RAB40C: variants seen among roughly 807,000 people sequenced by gnomAD.
RAB40C encodes the protein RAB40C, member RAS oncogene family.
Under a neutral mutation model 28.1 loss-of-function variants are expected in RAB40C, and 8 were observed. The observed-to-expected ratio is 0.28, with a 90% CI of 0.17 to 0.51. The LOEUF (loss-of-function observed/expected upper bound fraction) is 0.51, where lower values mean the gene tolerates loss of function less well. Among genes scored for constraint, RAB40C ranks in the 20% least tolerant of loss-of-function variants. The pLI is 0.97. For synonymous variants in RAB40C, 201 were observed against 171.7 expected (o/e 1.17, Z -1.34); for missense variants, 288 against 405.9 (o/e 0.71, Z 2.50).
intron 3 of RAB40C, among the ~76,000 whole-genome samples, chr16:619,433 T>C (rs2151077340): frequency 6.6e-6 from 1 of 152,306 alleles, no homozygotes; most frequent in South Asian, 2.1e-4. Flanking sequence ...CGTTTCTGTC[T>C]CCTCTGGGCC....
intron 1 of RAB40C, among the ~76,000 whole-genome samples, chr16:609,486 C>T (rs183495468): frequency 4.0e-4 from 61 of 152,150 alleles, no homozygotes; most frequent in African/African-American, 1.4e-3. Flanking sequence ...GAGACGCCGC[C>T]GAGAGCCCCA....
In RAB40C at chr16:627,976, C is replaced by A. The variant is rs1015957735; in HGVS notation, c.*354C>A. On this transcript the variant is annotated 3_prime_UTR_variant, in exon 6 of 6. Transcript: ENST00000248139. ...ATTTTTAAGGGGCCTTCAGGGAAGCCTGGGTGTGGCCCGGTGGTGGTGCAC... is the reference window on the plus strand; with the variant it reads ...ATTTTTAAGGGGCCTTCAGGGAAGCATGGGTGTGGCCCGGTGGTGGTGCAC... The A allele has an allele frequency of 3.9e-5, 9 of 230,672 alleles. No homozygotes were observed. Among genetic ancestry groups the A allele is most frequent in the Non-Finnish European group, 7.5e-5 (9 of 119,246 alleles). The allele number at this position is 230,672 out of a possible 1,614,324, so 14.3% of individuals were successfully genotyped here.
chr16:622,568 C>T (rs577274355), intron 3 of RAB40C, among the ~76,000 whole-genome samples: 4 of 152,200 alleles, frequency 2.6e-5, no homozygotes, highest in Middle Eastern at 6.3e-3. Flanking sequence ...AGTGCCGTGG[C>T]GCGATCTCGG....
chr16:611,513 G>A (rs1228871523), intron 1 of RAB40C, among the ~76,000 whole-genome samples: 2 of 152,232 alleles, frequency 1.3e-5, no homozygotes, highest in Non-Finnish European at 2.9e-5. Context: ...CAGAACCACC[G>A]GAGGAGGGAG....
At chr16:605,659 C>G (rs2036346250) in intron 1 of RAB40C, among the ~76,000 whole-genome samples, 1 of 152,224 alleles carries the variant, frequency 6.6e-6, no homozygotes, top group African/African-American at 2.4e-5. Context: ...GCCGAGTGGT[C>G]TCCCGTGTGT....
intron 1 of RAB40C, chr16:616,664 G>C (rs1468969570): frequency 6.5e-6 from 1 of 152,954 alleles, no homozygotes; most frequent in Non-Finnish European, 1.5e-5. Context: ...AACTTGTTTG[G>C]CCCTCCCTAA....
chr16:624,647 G>A (rs2036788799), intron 3 of RAB40C: 8 of 985,476 alleles, frequency 8.1e-6, no homozygotes, highest in Non-Finnish European at 9.6e-6. Context: ...ATTACGTGAA[G>A]GTTTTGTCAG....
At chr16:624,912 C>T in intron 3 of RAB40C, 2 of 1,282,394 alleles carry the variant, frequency 1.6e-6, no homozygotes, top group Non-Finnish European at 2.0e-6. Context: ...AGGGATGTGG[C>T]AAAAAGTCCC....
At chr16:590,570 G>A in intron 1 of RAB40C, 137 bp downstream of exon 1, 1 of 1,168,512 alleles carries the variant, frequency 8.6e-7, no homozygotes, top group Non-Finnish European at 1.1e-6. Flanking sequence ...TTCCAGACTC[G>A]GTAGCTCGGT....
chr16:627,462 A>G lies in RAB40C; in HGVS notation c.686A>G (p.Asn229Ser). The G allele has an allele frequency of 6.2e-7, 1 of 1,614,018 alleles. No individual in the cohort carries two copies. Among genetic ancestry groups the G allele is most frequent in the Non-Finnish European group, 8.5e-7 (1 of 1,180,010 alleles). ...KSHLKSFSMA[N>S]GMNAVMMHGR... Reference sequence around the variant, plus strand: ...CACCTCAAGTCCTTCTCGATGGCCAACGGCATGAACGCGGTCATGATGCAC... The same window carrying G: ...CACCTCAAGTCCTTCTCGATGGCCAGCGGCATGAACGCGGTCATGATGCAC... Residue 229 changes from asparagine (N) to serine (S), a missense_variant, in exon 6 of 6, where the codon AAC becomes AGC. Transcript: ENST00000248139.
At chr16:597,699 G>C (rs2036157863) in intron 1 of RAB40C, among the ~76,000 whole-genome samples, 1 of 151,736 alleles carries the variant, frequency 6.6e-6, no homozygotes, top group South Asian at 2.1e-4. Flanking sequence ...GTGTTGGCCA[G>C]GCTGGTCTTG....
At chr16:616,417 C>T (rs2036586471) in intron 1 of RAB40C, among the ~76,000 whole-genome samples, 2 of 151,744 alleles carry the variant, frequency 1.3e-5, no homozygotes, top group Non-Finnish European at 2.9e-5. Context: ...CGGCTCACTG[C>T]AACCTCCACC....
At chr16:626,930 C>T (rs1162175735) in intron 5 of RAB40C, among the ~76,000 whole-genome samples, 4 of 152,116 alleles carry the variant, frequency 2.6e-5, no homozygotes, top group Non-Finnish European at 2.9e-5. Flanking sequence ...GAGCGAGACC[C>T]GTCTCAAAAA....
chr16:592,287 C>T (rs2036017187), intron 1 of RAB40C, among the ~76,000 whole-genome samples: 1 of 152,182 alleles, frequency 6.6e-6, no homozygotes, highest in Non-Finnish European at 1.5e-5. Context: ...GCAGCATCCC[C>T]CACTCTCTCA....
In RAB40C at chr16:627,919, AT is replaced by A; in HGVS notation, c.*300del. 2.4e-6 allele frequency: 1 copy of A among 409,878 alleles called. No individual in the cohort carries two copies. Among genetic ancestry groups the A allele is most frequent in the Non-Finnish European group, 4.3e-6 (1 of 231,248 alleles). 25.4% of individuals were successfully genotyped at this position (409,878 alleles called of 1,614,324 possible). ...GCGGGGAGCCTGGTTGGCCTTTCTT[AT>A]TTATATAGAGAACACTTCACTTTTT... On this transcript the variant is annotated 3_prime_UTR_variant, in exon 6 of 6. Transcript: ENST00000248139.
intron 3 of RAB40C, chr16:625,044 C>T: frequency 7.7e-7 from 1 of 1,293,898 alleles, no homozygotes; most frequent in Non-Finnish European, 1.0e-6. Flanking sequence ...CAGCTCTGTC[C>T]CAGGTACTCC....
chr16:624,829 A>G (rs2036793823), intron 3 of RAB40C: 2 of 985,452 alleles, frequency 2.0e-6, no homozygotes, highest in Non-Finnish European at 2.4e-6. Context: ...CTGGAGAGCC[A>G]TGACTGTCAC....
At chr16:601,230 C>A (rs1454098538) in intron 1 of RAB40C, among the ~76,000 whole-genome samples, 1 of 152,164 alleles carries the variant, frequency 6.6e-6, no homozygotes, top group Non-Finnish European at 1.5e-5. Flanking sequence ...TGTGTGTTAT[C>A]CACACCATCA....
intron 1 of RAB40C, chr16:596,578 C>T (rs956232430): frequency 3.1e-6 from 1 of 323,366 alleles, no homozygotes; most frequent in Non-Finnish European, 6.1e-6. Flanking sequence ...GAGAACGCTG[C>T]CGAACCACTG....
Sources: allele counts gnomAD v4.1 joint callset (sites outside exome capture counted in the v4.1 genomes callset), GRCh38; gene constraint gnomAD v4.1.1; transcripts MANE v1.5; gene names NCBI Gene and HGNC (gene_info 2026-07-23, HGNC 2026-07-21).